The following DPYSL5 variants were observed in gnomAD, a reference collection of about 807,000 sequenced individuals.
DPYSL5 encodes the protein dihydropyrimidinase like 5.
Under a neutral mutation model 58.4 loss-of-function variants are expected in DPYSL5, and 9 were observed. That is an observed-to-expected ratio of 0.15 (90% CI 0.09 to 0.27). The LOEUF is 0.27. Among genes scored for constraint, DPYSL5 ranks in the 10% least tolerant of loss-of-function variants. The pLI is 1.00. For synonymous variants in DPYSL5, 293 were observed against 301.9 expected, an observed-to-expected ratio of 0.97 and a Z score of 0.31; for missense variants, 499 against 770.6, an observed-to-expected ratio of 0.65 and a Z score of 4.17.
Position 26,877,776 on chromosome 2 carries a change from G to A in DPYSL5, c.-4-20720G>A, listed in dbSNP as rs1663450731. Reference sequence around the variant, plus strand: ...TCTCACTCATATAAATACACATATAGATAAACATACCTTGGGTTCTGGTTT... The same window carrying A: ...TCTCACTCATATAAATACACATATAAATAAACATACCTTGGGTTCTGGTTT... On this transcript the variant is annotated intron_variant, in intron 1 of 12. Transcript: ENST00000288699. The surrounding 1 kb of genome is among the most constrained non-coding windows in gnomAD (Gnocchi z 4.1). Among the ~76,000 whole-genome samples, 1 of 152,116 alleles carries A rather than the reference G, an allele frequency of 6.6e-6. No individual in the cohort carries two copies.
intron 1 of DPYSL5, among the ~76,000 whole-genome samples, chr2:26,863,961 G>T (rs183869318): frequency 6.6e-5 from 10 of 152,286 alleles, no homozygotes; most frequent in African/African-American, 2.4e-4. Context: ...CATATAGTTA[G>T]ACCGGGTGCA....
At chr2:26,890,794 C>T (rs1219152460) in intron 1 of DPYSL5, among the ~76,000 whole-genome samples, 3 of 152,170 alleles carry the variant, frequency 2.0e-5, no homozygotes, top group African/African-American at 7.2e-5. Context: ...GTGGTGAGCT[C>T]TCTCCTCCCG....
At chr2:26,887,372 A>G (rs1467060643) in intron 1 of DPYSL5, among the ~76,000 whole-genome samples, 4 of 152,076 alleles carry the variant, frequency 2.6e-5, no homozygotes, top group African/African-American at 9.7e-5. Context: ...CCTCCAGCTG[A>G]GTTGTTGGCA....
chr2:26,856,123 C>G (rs138053760), intron 1 of DPYSL5, among the ~76,000 whole-genome samples: 117 of 152,152 alleles, frequency 7.7e-4, no homozygotes, highest in Non-Finnish European at 1.6e-3. Flanking sequence ...GAGAAGTGTA[C>G]AAACCATAAG....
intron 1 of DPYSL5, among the ~76,000 whole-genome samples, chr2:26,870,457 T>A (rs1328980821): frequency 6.6e-6 from 1 of 152,224 alleles, no homozygotes; most frequent in Non-Finnish European, 1.5e-5. Context: ...TGTTTACAAC[T>A]GTAGTTTGTG....
rs1401783161 is a variant in DPYSL5 at position 26,925,158 on chromosome 2, T to C, written c.420+113T>C. 2 of 1,339,946 alleles carry C rather than the reference T, an allele frequency of 1.5e-6. No individual in the cohort carries two copies. The highest frequency in any genetic ancestry group is 2.9e-5 in the African/African-American group (2 of 68,792). The allele number at this position is 1,339,946 out of a possible 1,614,324, so 83.0% of individuals were successfully genotyped here. A position where few individuals can be genotyped will look rare whatever the true frequency, so the allele number is the denominator to read the frequency against. Reference sequence around the variant, plus strand: ...TGGGGCACCCCTCCCACTACCATCCTAGCTCCCCACAATGCCAAAAGAAAA... The same window carrying C: ...TGGGGCACCCCTCCCACTACCATCCCAGCTCCCCACAATGCCAAAAGAAAA... On this transcript the variant is annotated intron_variant, in intron 3 of 12. Coordinates refer to ENST00000288699, the MANE Select transcript of DPYSL5 (RefSeq NM_020134.4). This position sits in a 1 kb window ranked among gnomAD's most constrained non-coding sequence, Gnocchi z 4.5.
chr2:26,851,804 A>G (rs1315343464), intron 1 of DPYSL5, among the ~76,000 whole-genome samples: 1 of 151,988 alleles, frequency 6.6e-6, no homozygotes, highest in Non-Finnish European at 1.5e-5. Context: ...AATTAGCCTG[A>G]CGTGGTGGCG....
chr2:26,873,284 T>C (rs891668573), intron 1 of DPYSL5, among the ~76,000 whole-genome samples: 1 of 152,228 alleles, frequency 6.6e-6, no homozygotes, highest in African/African-American at 2.4e-5. Context: ...AATCAAGATA[T>C]GGAATATTTC....
intron 1 of DPYSL5, among the ~76,000 whole-genome samples, chr2:26,853,716 A>G (rs992216633): frequency 6.6e-6 from 1 of 152,092 alleles, no homozygotes; most frequent in Non-Finnish European, 1.5e-5. Flanking sequence ...CTCATGGTGC[A>G]CTCTTTACTT....
At chr2:26,876,736 G>A (rs1663418279) in intron 1 of DPYSL5, among the ~76,000 whole-genome samples, 1 of 151,886 alleles carries the variant, frequency 6.6e-6, no homozygotes, top group Non-Finnish European at 1.5e-5. Context: ...GGCTGGTCTC[G>A]AACTCCTGAC....
chr2:26,868,380 G>C (rs1663166282), intron 1 of DPYSL5, among the ~76,000 whole-genome samples: 1 of 152,060 alleles, frequency 6.6e-6, no homozygotes. Flanking sequence ...TGTGGCCTCT[G>C]AGTTTGCAGA....
At chr2:26,853,960 G>A (rs1433960196) in intron 1 of DPYSL5, among the ~76,000 whole-genome samples, 1 of 151,762 alleles carries the variant, frequency 6.6e-6, no homozygotes, top group Non-Finnish European at 1.5e-5. Flanking sequence ...GGATTGCTTG[G>A]GCCTTGGAGG....
intron 1 of DPYSL5, among the ~76,000 whole-genome samples, chr2:26,853,588 A>C (rs1265087648): frequency 1.3e-5 from 2 of 152,178 alleles, no homozygotes. Context: ...GTTCTCCAGA[A>C]AAACAGAAAA....
chr2:26,881,738 C>T (rs919171128), intron 1 of DPYSL5, among the ~76,000 whole-genome samples: 4 of 152,006 alleles, frequency 2.6e-5, no homozygotes, highest in South Asian at 2.1e-4. Context: ...AGGGGTCTTA[C>T]GACTCAGAAA....
In DPYSL5 at chr2:26,931,681, C is replaced by T. The variant is rs756667382; in HGVS notation, c.711C>T (p.Asn237=). The change falls in exon 6 of 13, where the codon AAC becomes AAT. Residue 237 remains asparagine (N), a synonymous_variant. Transcript: ENST00000288699. ...CTCATCGTGTTATCACCATTGCAAA[C>T]AGGGTAAGTCCCCCGATGTCCACTG... The part of the protein sequence containing the change: ...EATHRVITIA[N]RTHCPIYLVN... 1.9e-6 allele frequency: 3 copies of T among 1,613,862 alleles called. No individual in the cohort carries two copies. Among genetic ancestry groups the T allele is most frequent in the Non-Finnish European group, 1.7e-6 (2 of 1,179,888 alleles).
intron 1 of DPYSL5, among the ~76,000 whole-genome samples, chr2:26,887,757 A>C (rs937283891): frequency 8.0e-5 from 12 of 149,460 alleles, no homozygotes; most frequent in African/African-American, 2.8e-4. Context: ...TTCTCATGAA[A>C]GACTGCACTC....
chr2:26,907,259 C>T lies in DPYSL5; in HGVS notation c.261+8499C>T, dbSNP rs568310940. On this transcript the variant is annotated intron_variant, in intron 2 of 12. Coordinates refer to ENST00000288699, the MANE Select transcript of DPYSL5 (RefSeq NM_020134.4). Reference sequence around the variant, plus strand: ...CCTCCCAAGTAACTGGGAATACAGGCGCCCGCCACCATGCCCAGCTAATTT... The same window carrying T: ...CCTCCCAAGTAACTGGGAATACAGGTGCCCGCCACCATGCCCAGCTAATTT... Among the ~76,000 whole-genome samples, 6 of 152,084 alleles carry T rather than the reference C, an allele frequency of 3.9e-5. No individual in the cohort carries two copies. In the South Asian group the frequency reaches 6.2e-4, roughly 16 times the overall value.
intron 1 of DPYSL5, among the ~76,000 whole-genome samples, chr2:26,860,917 A>C (rs1008722054): frequency 2.9e-4 from 44 of 152,196 alleles, no homozygotes; most frequent in Non-Finnish European, 4.4e-5. Context: ...GTCAGGGAGG[A>C]GCTGGGAAAA....
intron 1 of DPYSL5, among the ~76,000 whole-genome samples, chr2:26,867,947 G>A (rs1663144182): frequency 6.6e-6 from 1 of 152,160 alleles, no homozygotes. Context: ...GTTTCCACCA[G>A]CCATGTATGG....
Sources: gnomAD v4.1 joint callset for allele counts (sites outside exome capture counted in the v4.1 genomes callset) on GRCh38, gnomAD v4.1.1 for gene constraint, Gnocchi (gnomAD v3.1) non-coding constraint, MANE v1.5 for transcripts, NCBI Gene and HGNC (gene_info 2026-07-23, HGNC 2026-07-21) for gene names.